The following PKD1L1 variants were observed in gnomAD, a reference collection of about 807,000 sequenced individuals.
The protein encoded by PKD1L1 is polycystin 1 like 1, transient receptor potential channel interacting.
PKD1L1 carries 236 observed loss-of-function variants against 323.4 expected under a neutral mutation model. That is an observed-to-expected ratio of 0.73 (90% CI 0.66 to 0.81). PKD1L1 has a LOEUF of 0.81. Ranked by LOEUF, PKD1L1 falls within the 40% of genes least tolerant of loss-of-function variation. PKD1L1 has a pLI of 0.00. For missense variants in PKD1L1, 3,320 were observed against 3,508.0 expected (o/e 0.95, Z 1.35); for synonymous variants, 1,344 against 1,335.0 (o/e 1.01, Z -0.15).
intron 6 of PKD1L1, 144 bp from the exon 7 acceptor site, chr7:47,929,670 C>T (rs1787727676): frequency 2.7e-6 from 2 of 747,794 alleles, no homozygotes. Flanking sequence ...TCCACTGGTT[C>T]TCAGAGTGGG....
chr7:47,853,766 C>CAA (rs58842095), intron 30 of PKD1L1, among the ~76,000 whole-genome samples: 53 of 108,180 alleles, frequency 4.9e-4, no homozygotes, highest in South Asian at 1.2e-3. Flanking sequence ...ACAAACAAAC[C>CAA]AAAAAAAAAA....
At position 47,943,194 on chromosome 7, in the gene PKD1L1, A is replaced by G. The variant is rs868362541; in HGVS notation, c.160+202T>C. Among the ~76,000 whole-genome samples the G allele has an allele frequency of 6.2e-3, 831 of 134,536 alleles. 3 individuals carry two copies. Among genetic ancestry groups the G allele is most frequent in the Non-Finnish European group, 8.0e-3 (509 of 63,354 alleles). 88.3% of individuals were successfully genotyped at this position (134,536 alleles called of 152,430 possible). On this transcript the variant is annotated intron_variant, in intron 2 of 56. Transcript: ENST00000289672. ...TATATATATATATATATATATATAT[A>G]TATGTGTGTGTACCATCCTGGCATG...
At chr7:47,847,164 G>T in intron 31 of PKD1L1, 93 bp from the exon 32 acceptor site, 1 of 993,626 alleles carries the variant, frequency 1.0e-6, no homozygotes, top group Non-Finnish European at 1.4e-6. Context: ...CAGATAGGTG[G>T]GGACAAGGAC....
At chr7:47,927,230 T>TA (rs1787672086) in intron 7 of PKD1L1, among the ~76,000 whole-genome samples, 1 of 149,614 alleles carries the variant, frequency 6.7e-6, no homozygotes, top group South Asian at 2.1e-4. Context: ...AAACTATAAG[T>TA]AAAACCAAAA....
chr7:47,908,371 T>C (rs1386984273), intron 8 of PKD1L1, 121 bp from the exon 9 acceptor site: 5 of 950,142 alleles, frequency 5.3e-6, no homozygotes, highest in Non-Finnish European at 7.8e-6. Context: ...AGAGGTGATC[T>C]TTCTTGTCTC....
At chr7:47,960,375 ATT>A in the PKD1L1 span, among the ~76,000 whole-genome samples, 95 of 61,766 alleles carry the variant, frequency 1.5e-3, no homozygotes, top group African/African-American at 5.7e-3. Flanking sequence ...ATAAAAAAAA[ATT>A]AAAAAAAAAA....
In PKD1L1 at chr7:47,811,995, C is replaced by T. The variant is rs1784907883; in HGVS notation, c.7403G>A (p.Ser2468Asn). Residue 2468 changes from serine to asparagine, a missense_variant, in exon 50 of 57, where the codon AGC (serine) becomes AAC (asparagine). Coordinates refer to ENST00000289672, the MANE Select transcript of PKD1L1 (RefSeq NM_138295.5). ...GAAGTGCACAGACACAGCCCTGGTG[C>T]TGCGGTCAATCCACATGCTGGCCCT... ...RLRASMWIDR[S>N]TRAVSVHFTL... 1 of 1,589,854 alleles carries T rather than the reference C, an allele frequency of 6.3e-7. No homozygotes were observed. The highest frequency in any genetic ancestry group is 8.6e-7 in the Non-Finnish European group (1 of 1,168,148).
intron 45 of PKD1L1, among the ~76,000 whole-genome samples, chr7:47,822,606 A>AC (rs1256702135): frequency 7.3e-5 from 11 of 151,210 alleles, no homozygotes; most frequent in African/African-American, 1.9e-4. Context: ...AAAAAAAAAA[A>AC]AAAAAAAAAA....
intron 24 of PKD1L1, among the ~76,000 whole-genome samples, chr7:47,872,435 A>T (rs6949590): frequency 2.0e-5 from 3 of 151,924 alleles, no homozygotes; most frequent in Non-Finnish European, 4.4e-5. Context: ...CTGGTATGAG[A>T]AGAGACATTC....
intron 17 of PKD1L1, among the ~76,000 whole-genome samples, chr7:47,886,678 C>T (rs1786692415): frequency 6.6e-6 from 1 of 152,178 alleles, no homozygotes; most frequent in South Asian, 2.1e-4. Context: ...AATATGTCAG[C>T]TCCCTTTTGC....
chr7:47,802,265 A>G (rs1784680355), intron 53 of PKD1L1, among the ~76,000 whole-genome samples: 1 of 152,080 alleles, frequency 6.6e-6, no homozygotes, highest in Non-Finnish European at 1.5e-5. Flanking sequence ...ATCACTCCAT[A>G]AATTCTACAT....
chr7:47,859,009 G>A, intron 26 of PKD1L1, 124 bp from the exon 27 acceptor site: 1 of 1,258,198 alleles, frequency 7.9e-7, no homozygotes, highest in East Asian at 2.5e-5. Flanking sequence ...TGTAAATAAA[G>A]TGCCTCATGG....
intron 46 of PKD1L1, chr7:47,818,111 C>T (rs1214228803): frequency 7.3e-7 from 1 of 1,367,696 alleles, no homozygotes; most frequent in Admixed American, 1.9e-5. Flanking sequence ...TGGAGGCCTG[C>T]CAGAGCACCC....
rs138233374 is a variant in PKD1L1 at position 47,836,960 on chromosome 7, C to G, written c.5904G>C (p.Ala1968=). 36 of 1,614,024 alleles carry G rather than the reference C, an allele frequency of 2.2e-5. No individual in the cohort carries two copies. The highest frequency in any genetic ancestry group is 3.1e-5 in the Non-Finnish European group (36 of 1,180,036). The change falls in exon 37 of 57, where the codon GCG becomes GCC. Residue 1968 remains alanine, a synonymous_variant. Transcript: ENST00000289672. ...TVSFSLLCVY[A]CLTALVAAGG... Reference sequence around the variant, plus strand: ...CAGCAGCAACCAGGGCAGTGAGACACGCGTAGACGCACAGCAGGGAGAAGG... The same window carrying G: ...CAGCAGCAACCAGGGCAGTGAGACAGGCGTAGACGCACAGCAGGGAGAAGG...
intron 1 of PKD1L1, among the ~76,000 whole-genome samples, chr7:47,945,960 C>T (rs111537429): frequency 2.0e-5 from 3 of 152,140 alleles, no homozygotes; most frequent in Non-Finnish European, 2.9e-5. Flanking sequence ...CTCACAGAGG[C>T]GCCAAGGATA....
At chr7:47,836,710 G>A (rs375053225) in intron 37 of PKD1L1, among the ~76,000 whole-genome samples, 4 of 152,226 alleles carry the variant, frequency 2.6e-5, no homozygotes, top group African/African-American at 7.2e-5. Context: ...GCTGTCCACC[G>A]AGCCAGCAGA....
rs1784996224 is a variant in PKD1L1, at chr7:47,815,450, T to C, written c.6973A>G (p.Arg2325Gly). Reference sequence around the variant, plus strand: ...TTTCTCAGGCCACCCAAGCAGTTTCTGGCATTTCTTAATGCAAGAACAAAA... The same window carrying C: ...TTTCTCAGGCCACCCAAGCAGTTTCCGGCATTTCTTAATGCAAGAACAAAA... Reference protein sequence around the residue: ...AIRKEFTRNARNCLGGLRNIA... With the variant: ...AIRKEFTRNAGNCLGGLRNIA... The change falls in exon 47 of 57, where the codon AGA becomes GGA. Residue 2325 changes from arginine (R) to glycine (G), a missense_variant. Coordinates refer to ENST00000289672, the MANE Select transcript of PKD1L1 (RefSeq NM_138295.5). 24 of 1,613,012 alleles carry C rather than the reference T, an allele frequency of 1.5e-5. No homozygotes were observed. In the East Asian group the frequency reaches 5.1e-4, roughly 34 times the overall value.
intron 8 of PKD1L1, among the ~76,000 whole-genome samples, chr7:47,914,750 C>G (rs954358632): frequency 1.3e-5 from 2 of 151,858 alleles, no homozygotes; most frequent in African/African-American, 4.8e-5. Context: ...TCTCTTTTCT[C>G]CCCCCCAACA....
At chr7:47,799,199 G>C (rs1189239370) in intron 54 of PKD1L1, among the ~76,000 whole-genome samples, 1 of 152,146 alleles carries the variant, frequency 6.6e-6, no homozygotes, top group Admixed American at 6.5e-5. Flanking sequence ...TGGATGGGTG[G>C]GTGGATAGGT....
Sources: allele counts gnomAD v4.1 joint callset (sites outside exome capture counted in the v4.1 genomes callset), GRCh38; gene constraint gnomAD v4.1.1; transcripts MANE v1.5; gene names NCBI Gene and HGNC (gene_info 2026-07-23, HGNC 2026-07-21).